Variants in PCDHA1 observed in about 807,000 individuals in gnomAD.
PCDHA1 encodes protocadherin alpha-1.
A neutral mutation model predicts 61.3 loss-of-function variants in PCDHA1; 42 were observed. The observed-to-expected ratio is 0.69, with a 90% CI of 0.54 to 0.89. The LOEUF is 0.89. Among genes scored for constraint, PCDHA1 ranks in the 40% least tolerant of loss-of-function variants. The pLI, the probability that PCDHA1 is intolerant of heterozygous loss-of-function variation, is 0.00. For synonymous variants in PCDHA1, 610 were observed against 553.8 expected (o/e 1.10, Z -1.43); for missense variants, 1,256 against 1,235.3 (o/e 1.02, Z -0.25).
chr5:140,976,623 A>T (rs2096725019), intron 1 of PCDHA1, among the ~76,000 whole-genome samples: 1 of 152,206 alleles, frequency 6.6e-6, no homozygotes, highest in Non-Finnish European at 1.5e-5. Context: ...CTGTCAGCTG[A>T]ACTCAGCAAT....
chr5:140,801,770 C>T (rs1554121681), intron 1 of PCDHA1: 2 of 1,613,886 alleles, frequency 1.2e-6, no homozygotes, highest in Admixed American at 1.7e-5. Flanking sequence ...AAATTAAATC[C>T]CTTGGACTCG....
intron 3 of PCDHA1, among the ~76,000 whole-genome samples, chr5:140,989,275 G>A (rs2097335515): frequency 6.6e-6 from 1 of 152,096 alleles, no homozygotes; most frequent in African/African-American, 2.4e-5. Context: ...TTTCTGCTGG[G>A]GACATCTCAG....
At chr5:140,841,890 A>G in intron 1 of PCDHA1, 1 of 1,613,830 alleles carries the variant, frequency 6.2e-7, no homozygotes, top group Non-Finnish European at 8.5e-7. Flanking sequence ...GATGAGAATA[A>G]ACTGGTTGAG....
chr5:140,816,242 T>C (rs1481893291), intron 1 of PCDHA1: 2 of 152,240 alleles, frequency 1.3e-5, no homozygotes, highest in South Asian at 2.1e-4. Flanking sequence ...TCAAATGATG[T>C]GTCCTTGAGT....
chr5:140,871,117 G>A (rs2052723130), intron 1 of PCDHA1: 1 of 1,613,286 alleles, frequency 6.2e-7, no homozygotes, highest in East Asian at 2.2e-5. Flanking sequence ...GGTGGAGAGC[G>A]GACAGGCGCC....
intron 1 of PCDHA1, among the ~76,000 whole-genome samples, chr5:140,949,517 C>T (rs2094387959): frequency 6.6e-6 from 1 of 151,706 alleles, no homozygotes; most frequent in African/African-American, 2.4e-5. Context: ...TTTATTGATC[C>T]TTTTATCTTC....
chr5:140,882,049 T>C, intron 1 of PCDHA1: 1 of 752,814 alleles, frequency 1.3e-6, no homozygotes, highest in Non-Finnish European at 2.1e-6. Flanking sequence ...TGAGTCATAC[T>C]TACACTTACA....
chr5:140,901,234 T>A (rs1013983503), intron 1 of PCDHA1, among the ~76,000 whole-genome samples: 4 of 152,156 alleles, frequency 2.6e-5, no homozygotes, highest in African/African-American at 9.7e-5. Context: ...ATATATCCAT[T>A]TTTTTCCTTT....
chr5:140,812,871 CCT>C (rs1765192585), intron 1 of PCDHA1: 1 of 152,106 alleles, frequency 6.6e-6, no homozygotes, highest in African/African-American at 2.4e-5. Context: ...TTTGATTTCC[CCT>C]TTCATTCAAA....
In PCDHA1 at chr5:140,852,083, T is replaced by C; in HGVS notation, c.2394+63399T>C. 2 of 899,622 alleles carry C rather than the reference T, an allele frequency of 2.2e-6. 1 individual carries two copies. Among genetic ancestry groups the C allele is most frequent in the Non-Finnish European group, 2.7e-6 (2 of 737,816 alleles). The allele number at this position is 899,622 out of a possible 1,614,324, so 55.7% of individuals were successfully genotyped here. A position where few individuals can be genotyped will look rare whatever the true frequency, so the allele number is the denominator to read the frequency against. On this transcript the variant is annotated intron_variant, in intron 1 of 3. Coordinates refer to ENST00000504120, the MANE Select transcript of PCDHA1 (RefSeq NM_018900.4). The stretch of plus-strand genomic sequence containing the variant: ...TTCTTTCTCTTTCAGCTATTTTATT[T>C]AATATTGTGTCAGATATTTTACAAG...
At chr5:140,855,820 T>C (rs2043635230) in intron 1 of PCDHA1, 2 of 529,480 alleles carry the variant, frequency 3.8e-6, no homozygotes, top group South Asian at 3.2e-5. Flanking sequence ...AGTTGTGAAC[T>C]CATGGAATCG....
At position 140,829,344 on chromosome 5, in the gene PCDHA1, T is replaced by A. The variant is rs2150166277; in HGVS notation, c.2394+40660T>A. 3.7e-6 allele frequency: 6 copies of A among 1,614,240 alleles called. No homozygotes were observed. The Middle Eastern group carries it at 8.3e-4, about 222-fold the overall frequency. On this transcript the variant is annotated intron_variant, in intron 1 of 3. Coordinates refer to ENST00000504120, the MANE Select transcript of PCDHA1 (RefSeq NM_018900.4). ...GACAGTGCCCTGGACCGCGAGAGCG[T>A]GTCGGCCTATGAGTTGGTGGTAACC...
intron 1 of PCDHA1, chr5:140,877,685 C>G (rs377753884): frequency 5.0e-6 from 8 of 1,613,628 alleles, no homozygotes; most frequent in African/African-American, 2.7e-5. Flanking sequence ...GGCAAGCCCA[C>G]GCTGGTGTGC....
intron 1 of PCDHA1, chr5:140,966,328 C>T: frequency 5.1e-6 from 2 of 392,484 alleles, no homozygotes; most frequent in Non-Finnish European, 9.0e-6. Context: ...CGCTGGGATC[C>T]GGCAGGTCCA....
At chr5:140,860,726 G>T (rs73263824) in intron 1 of PCDHA1, 23,037 of 152,060 alleles carry the variant, frequency 0.15, 1,806 homozygotes, top group Middle Eastern at 0.2. Context: ...AGTTTTTTTG[G>T]TTTTTTTGTT....
intron 1 of PCDHA1, chr5:140,842,662 C>G (rs2150341461): frequency 1.3e-6 from 2 of 1,595,426 alleles, no homozygotes; most frequent in East Asian, 2.2e-5. Context: ...AGGTGGCCGA[C>G]GTGAACGACA....
In PCDHA1 at chr5:140,849,729, G is replaced by A. The variant is rs1180272167; in HGVS notation, c.2394+61045G>A. On this transcript the variant is annotated intron_variant, in intron 1 of 3. Transcript: ENST00000504120. ...TTACTACTCGTTGGTGCTGGACAGA[G>A]CTCTGGACCGCGAGAGTGTGTCCGC... 5.6e-6 allele frequency: 9 copies of A among 1,598,378 alleles called. 1 individual carries two copies. Among genetic ancestry groups the A allele is most frequent in the Non-Finnish European group, 7.7e-6 (9 of 1,168,014 alleles).
intron 1 of PCDHA1, among the ~76,000 whole-genome samples, chr5:140,958,951 A>C (rs1212039253): frequency 6.6e-6 from 1 of 151,992 alleles, no homozygotes; most frequent in Non-Finnish European, 1.5e-5. Flanking sequence ...ATATTATATT[A>C]TTATAATTGT....
chr5:140,842,589 T>G, intron 1 of PCDHA1: 1 of 1,529,168 alleles, frequency 6.5e-7, no homozygotes, highest in Non-Finnish European at 8.9e-7. Flanking sequence ...GCCTATGAGT[T>G]GGTGGTAACC....
Sources: gnomAD v4.1 joint callset for allele counts (sites outside exome capture counted in the v4.1 genomes callset) on GRCh38, gnomAD v4.1.1 for gene constraint, MANE v1.5 for transcripts, NCBI Gene and HGNC (gene_info 2026-07-23, HGNC 2026-07-21) for gene names.